BACH2: variants seen among roughly 807,000 people sequenced by gnomAD.
The protein encoded by BACH2 is transcription regulator protein BACH2.
A neutral mutation model predicts 61.8 loss-of-function variants in BACH2; 5 were observed. The ratio of observed to expected loss-of-function variants is 0.08; its 90% CI spans 0.04 to 0.17. BACH2 has a LOEUF of 0.17. BACH2 is among the 10% of genes least tolerant of loss of function. The pLI is 1.00. For synonymous variants in BACH2, 446 were observed against 440.1 expected (o/e 1.01, Z -0.17); for missense variants, 824 against 1,091.1 (o/e 0.76, Z 3.45).
rs559124484 is a variant in BACH2 at position 89,961,293 on chromosome 6, AT to A, written c.244-9432del. 2.1e-4 allele frequency among the ~76,000 whole-genome samples: 32 copies of A among 151,982 alleles called. No homozygotes were observed. The East Asian group carries it at 5.0e-3, about 24-fold the overall frequency. ...GTGTAGGTCTTAAAATAGATATGAA[AT>A]AGTAGTAATGTTTCACGTTTTTCAG... On this transcript the variant is annotated intron_variant, in intron 6 of 8. Coordinates refer to ENST00000257749, the MANE Select transcript of BACH2 (RefSeq NM_021813.4).
In BACH2 at chr6:89,950,149, TCTA is replaced by T; in HGVS notation, c.1836+118_1836+120del. The stretch of plus-strand genomic sequence containing the variant: ...CTCTGTGGATGGGGAAGGCAGTCTC[TCTA>T]CTGTCATCTTTAATCTTAGCACGTA... On this transcript the variant is annotated intron_variant, in intron 7 of 8. Transcript: ENST00000257749. The surrounding 1 kb of genome is among the most constrained non-coding windows in gnomAD (Gnocchi z 5.3). 2.5e-6 allele frequency: 3 copies of T among 1,187,180 alleles called. No individual in the cohort carries two copies. Among genetic ancestry groups the T allele is most frequent in the Non-Finnish European group, 3.7e-6 (3 of 802,736 alleles). The allele number at this position is 1,187,180 out of a possible 1,614,324, so 73.5% of individuals were successfully genotyped here.
chr6:90,030,883 C>T (rs893688817), intron 5 of BACH2, among the ~76,000 whole-genome samples: 1 of 150,500 alleles, frequency 6.6e-6, no homozygotes. Context: ...ATACCAAAGC[C>T]TGGCAGAGAC....
intron 4 of BACH2, among the ~76,000 whole-genome samples, chr6:90,103,556 C>T (rs954750621): frequency 2.6e-5 from 4 of 152,158 alleles, no homozygotes; most frequent in Non-Finnish European, 4.4e-5. Flanking sequence ...CTGGAGACCG[C>T]GGTGGTGCTA....
At chr6:90,092,291 A>AAAAAAAATAT in intron 4 of BACH2, among the ~76,000 whole-genome samples, 1 of 113,842 alleles carries the variant, frequency 8.8e-6, no homozygotes, top group African/African-American at 3.6e-5. Context: ...AAAAAAAAAA[A>AAAAAAAATAT]ATATATATAT....
chr6:90,214,385 G>C (rs916455446), intron 3 of BACH2, among the ~76,000 whole-genome samples: 4 of 152,092 alleles, frequency 2.6e-5, no homozygotes, highest in African/African-American at 7.2e-5. Context: ...GTACAATTCA[G>C]GCAAACATAT....
chr6:90,219,812 ACACG>A (rs202242858), intron 3 of BACH2, among the ~76,000 whole-genome samples: 12,083 of 131,110 alleles, frequency 0.092, 636 homozygotes, highest in South Asian at 0.17. Context: ...ACACACACAC[ACACG>A]CTCCCGAAGT....
chr6:90,035,700 A>G (rs1375468432), intron 5 of BACH2, among the ~76,000 whole-genome samples: 1 of 152,108 alleles, frequency 6.6e-6, no homozygotes, highest in Non-Finnish European at 1.5e-5. Flanking sequence ...CAACAAGATG[A>G]TAAAGGAAGA....
At chr6:90,043,226 G>C (rs9451328) in intron 5 of BACH2, among the ~76,000 whole-genome samples, 2,496 of 152,286 alleles carry the variant, frequency 0.016, 81 homozygotes, top group African/African-American at 0.056. Flanking sequence ...TCCCCCAAAA[G>C]TTCATGTGTT....
chr6:90,042,253 C>T (rs566205923), intron 5 of BACH2, among the ~76,000 whole-genome samples: 8 of 152,062 alleles, frequency 5.3e-5, no homozygotes, highest in Non-Finnish European at 8.8e-5. Context: ...AGTGCAGTGG[C>T]GCAATCATGG....
chr6:89,956,929 G>A (rs1774457342), intron 6 of BACH2, among the ~76,000 whole-genome samples: 1 of 152,138 alleles, frequency 6.6e-6, no homozygotes, highest in African/African-American at 2.4e-5. Flanking sequence ...CCCTGGGAGA[G>A]GGCTGGCACG....
chr6:90,249,041 G>A (rs1770721494), intron 3 of BACH2, among the ~76,000 whole-genome samples: 1 of 152,236 alleles, frequency 6.6e-6, no homozygotes. Context: ...AGAGGCAACA[G>A]AGATTTATGC....
chr6:90,236,852 C>A (rs1171917453), intron 3 of BACH2, among the ~76,000 whole-genome samples: 1 of 152,188 alleles, frequency 6.6e-6, no homozygotes, highest in Non-Finnish European at 1.5e-5. Context: ...TTGAAAACTA[C>A]ATGCACTTAT....
intron 4 of BACH2, among the ~76,000 whole-genome samples, chr6:90,197,696 A>C (rs1203142234): frequency 6.6e-6 from 1 of 152,214 alleles, no homozygotes; most frequent in Non-Finnish European, 1.5e-5. Flanking sequence ...TTAGTCCAAC[A>C]TGATGATGTA....
At chr6:90,235,023 C>T (rs1770213622) in intron 3 of BACH2, among the ~76,000 whole-genome samples, 1 of 152,198 alleles carries the variant, frequency 6.6e-6, no homozygotes, top group African/African-American at 2.4e-5. Flanking sequence ...AGTCAGCAAC[C>T]TGACCTAAAG....
chr6:90,041,209 G>A (rs2127791201), intron 5 of BACH2, among the ~76,000 whole-genome samples: 1 of 152,098 alleles, frequency 6.6e-6, no homozygotes, highest in East Asian at 1.9e-4. Flanking sequence ...CCCAGTAATG[G>A]GACTGCTGGG....
chr6:90,065,270 C>CT lies in BACH2; in HGVS notation c.-13+23690dup, dbSNP rs71027920. ...GCCACCCCACCCCCTGCCGCCCCCA[C>CT]TTTTTTTTTTTTTTTTTTTTTTTTT... On this transcript the variant is annotated intron_variant, in intron 5 of 8. Transcript: ENST00000257749. 5.8e-3 allele frequency among the ~76,000 whole-genome samples: 307 copies of CT among 52,652 alleles called. 48 individuals are homozygous for CT. The highest frequency in any genetic ancestry group is 0.017 in the South Asian group (12 of 690). The allele number at this position is 52,652 out of a possible 152,430, so 34.5% of individuals were successfully genotyped here. A position where few individuals can be genotyped will look rare whatever the true frequency, so the allele number is the denominator to read the frequency against.
chr6:90,037,657 T>G (rs1490299221), intron 5 of BACH2, among the ~76,000 whole-genome samples: 1 of 152,196 alleles, frequency 6.6e-6, no homozygotes, highest in Non-Finnish European at 1.5e-5. Context: ...TTTTAAAAGT[T>G]CATTAACCCC....
intron 7 of BACH2, among the ~76,000 whole-genome samples, chr6:89,948,531 C>T (rs1773883117): frequency 1.3e-5 from 2 of 152,066 alleles, no homozygotes; most frequent in South Asian, 4.1e-4. Context: ...AAAGGAGAGA[C>T]AAAAAACAAA....
intron 2 of BACH2, among the ~76,000 whole-genome samples, chr6:90,267,569 T>C (rs1207976465): frequency 1.3e-5 from 2 of 152,148 alleles, no homozygotes; most frequent in Non-Finnish European, 2.9e-5. Flanking sequence ...TAGATACACA[T>C]GAATATATGT....
Sources: allele counts gnomAD v4.1 joint callset (sites outside exome capture counted in the v4.1 genomes callset), GRCh38; gene constraint gnomAD v4.1.1; non-coding constraint Gnocchi (gnomAD v3.1); transcripts MANE v1.5; gene names NCBI Gene and HGNC (gene_info 2026-07-23, HGNC 2026-07-21).